CUL7: variants seen among roughly 807,000 people sequenced by gnomAD.
The protein encoded by CUL7 is cullin-7.
In CUL7, 96 loss-of-function variants were observed where a neutral mutation model predicts 177.7. The ratio of observed to expected loss-of-function variants is 0.54; its 90% CI spans 0.46 to 0.64. The LOEUF is 0.64. Among genes scored for constraint, CUL7 ranks in the 30% least tolerant of loss-of-function variants. The pLI is 0.00. For missense variants in CUL7, 1,893 were observed against 2,187.9 expected (o/e 0.87, Z 2.69); for synonymous variants, 824 against 890.2 (o/e 0.93, Z 1.32).
chr6:43,050,101 C>T lies in CUL7; in HGVS notation c.1431G>A (p.Leu477=), dbSNP rs1304346740. The change falls in exon 6 of 26, where the codon CTG becomes CTA. Residue 477 remains leucine (L), a synonymous_variant. Coordinates refer to ENST00000265348, the MANE Select transcript of CUL7 (RefSeq NM_014780.5). The surrounding 1 kb of genome is among the most constrained non-coding windows in gnomAD (Gnocchi z 4.1). The part of the protein sequence containing the change: ...MTELYAVPYV[L]PEDEDTEECE... Reference sequence around the variant, plus strand: ...ACTCCTCAGTGTCCTCATCCTCAGGCAGCACATAAGGCACAGCATAGAGTT... The same window carrying T: ...ACTCCTCAGTGTCCTCATCCTCAGGTAGCACATAAGGCACAGCATAGAGTT... 1.2e-6 allele frequency: 2 copies of T among 1,614,206 alleles called. No homozygotes were observed. Among genetic ancestry groups the T allele is most frequent in the African/African-American group, 1.3e-5 (1 of 75,042 alleles).
chr6:43,040,545 T>C lies in CUL7; in HGVS notation c.4008A>G (p.Thr1336=). 6.2e-7 allele frequency: 1 copy of C among 1,614,162 alleles called. No homozygotes were observed. The highest frequency in any genetic ancestry group is 8.5e-7 in the Non-Finnish European group (1 of 1,180,020). The stretch of plus-strand genomic sequence containing the variant: ...AGGCACTCACCTGTATTTTCTTCTC[T>C]GTATCCTCCAGCTTCAGGAGTTCCT... ...LDQELLKLED[T]EKKIQVGLGA... The change falls in exon 21 of 26, where the codon ACA becomes ACG. Residue 1336 remains threonine, a synonymous_variant. Transcript: ENST00000265348. This position sits in a 1 kb window ranked among gnomAD's most constrained non-coding sequence, Gnocchi z 4.2.
chr6:43,050,605 C>G lies in CUL7; in HGVS notation c.1234-207G>C, dbSNP rs1009865330. 1.5e-5 allele frequency among the ~76,000 whole-genome samples: 2 copies of G among 133,744 alleles called. No individual in the cohort carries two copies. Among genetic ancestry groups the G allele is most frequent in the Non-Finnish European group, 3.2e-5 (2 of 62,664 alleles). 87.7% of individuals were successfully genotyped at this position (133,744 alleles called of 152,430 possible). A position where few individuals can be genotyped will look rare whatever the true frequency, so the allele number is the denominator to read the frequency against. On this transcript the variant is annotated intron_variant, in intron 4 of 25. Coordinates refer to ENST00000265348, the MANE Select transcript of CUL7 (RefSeq NM_014780.5). The surrounding 1 kb of genome is among the most constrained non-coding windows in gnomAD (Gnocchi z 4.1). Reference sequence around the variant, plus strand: ...ACACACACACACACACACACACACACAGGATGCCTTCTCCTTTGGGGGATG... The same window carrying G: ...ACACACACACACACACACACACACAGAGGATGCCTTCTCCTTTGGGGGATG...
Position 43,050,192 on chromosome 6 carries a change from C to T in CUL7, c.1373-33G>A, listed in dbSNP as rs768602465. ...AATGGGCCAAGGGGCACAAGGATGT[C>T]ACTAGCAACTCAGCAGGACCACCAT... On this transcript the variant is annotated intron_variant, in intron 5 of 25. Transcript: ENST00000265348. This position sits in a 1 kb window ranked among gnomAD's most constrained non-coding sequence, Gnocchi z 4.1. 1.2e-6 allele frequency: 2 copies of T among 1,614,168 alleles called. No individual in the cohort carries two copies. Among genetic ancestry groups the T allele is most frequent in the Non-Finnish European group, 1.7e-6 (2 of 1,180,040 alleles).
intron 9 of CUL7, 86 bp from the exon 10 acceptor site, chr6:43,047,193 T>C: frequency 1.3e-6 from 1 of 799,840 alleles, no homozygotes; most frequent in Non-Finnish European, 2.3e-6. Context: ...CACTGTGTAC[T>C]CTGTGTACTG....
rs754702766 is a variant in CUL7 at position 43,047,818 on chromosome 6, T to C, written c.2169+330A>G. On this transcript the variant is annotated intron_variant, in intron 9 of 25. Coordinates refer to ENST00000265348, the MANE Select transcript of CUL7 (RefSeq NM_014780.5). The stretch of plus-strand genomic sequence containing the variant: ...GAGTGGCAAGATCACACATTTGGGT[T>C]TGCTTATATTTGCATAAGGGAACAC... 29 of 331,480 alleles carry C rather than the reference T, an allele frequency of 8.7e-5. No homozygotes were observed. In the Admixed American group the frequency reaches 1.0e-3, roughly 12 times the overall value. 20.5% of individuals were successfully genotyped at this position (331,480 alleles called of 1,614,324 possible).
chr6:43,039,449 A>G (rs560928456), intron 22 of CUL7, among the ~76,000 whole-genome samples: 184 of 152,314 alleles, frequency 1.2e-3, no homozygotes, highest in Admixed American at 5.1e-3. Context: ...GTGACTGACC[A>G]GAAAAGAGCC....
chr6:43,040,305 T>C lies in CUL7; in HGVS notation c.4145A>G (p.Tyr1382Cys), dbSNP rs768491741. ...EEEEENEDLY[Y>C]EGAMPEVSVL... ...AGACACTTCTGGCATTGCCCCTTCA[T>C]AGTAGAGGTCCTCATTCTCCTCCTC... The change falls in exon 22 of 26, where the codon TAT (tyrosine) becomes TGT (cysteine). Residue 1382 changes from tyrosine to cysteine, a missense_variant. Physicochemically the swap from Tyr to Cys is radical, Grantham distance 194. This residue lies in a region of CUL7 where 973 missense variants were observed against 1,140.9 expected (regional missense o/e 0.85). Coordinates refer to ENST00000265348, the MANE Select transcript of CUL7 (RefSeq NM_014780.5). The surrounding 1 kb of genome is among the most constrained non-coding windows in gnomAD (Gnocchi z 4.2). The C allele has an allele frequency of 6.2e-7, 1 of 1,614,060 alleles. No homozygotes were observed. The highest frequency in any genetic ancestry group is 8.5e-7 in the Non-Finnish European group (1 of 1,180,016).
Position 43,045,751 on chromosome 6 carries a change from C to T in CUL7, c.2767-69G>A. On this transcript the variant is annotated intron_variant, in intron 13 of 25. Transcript: ENST00000265348. This position sits in a 1 kb window ranked among gnomAD's most constrained non-coding sequence, Gnocchi z 4.8. ...CCAAGTTGGCTCTAGGCTCCAGTCC[C>T]CTCACTGTTTCCCTCCCTTCCCCAG... is the stretch of plus-strand genomic sequence containing the variant. The T allele has an allele frequency of 6.5e-7, 1 of 1,529,084 alleles. No homozygotes were observed. Among genetic ancestry groups the T allele is most frequent in the Admixed American group, 1.7e-5 (1 of 59,336 alleles). The allele number at this position is 1,529,084 out of a possible 1,614,324, so 94.7% of individuals were successfully genotyped here. A position where few individuals can be genotyped will look rare whatever the true frequency, so the allele number is the denominator to read the frequency against.
chr6:43,052,540 G>A lies in CUL7; in HGVS notation c.249C>T (p.Gly83=), dbSNP rs764168236. ...AGGGCCCGATGACCTGGCCATCCTCGCCCAGCATCTTGTGGCAGTTGGCAT... is the reference window on the plus strand; with the variant it reads ...AGGGCCCGATGACCTGGCCATCCTCACCCAGCATCTTGTGGCAGTTGGCAT... ...EIYANCHKML[G]EDGQVIGPSQ... Residue 83 remains glycine, a synonymous_variant, in exon 2 of 26, where the codon GGC becomes GGT. Transcript: ENST00000265348. This position sits in a 1 kb window ranked among gnomAD's most constrained non-coding sequence, Gnocchi z 4.5. 22 of 1,614,048 alleles carry A rather than the reference G, an allele frequency of 1.4e-5. No homozygotes were observed. The highest frequency in any genetic ancestry group is 1.3e-4 in the East Asian group (6 of 44,888).
Position 43,038,022 on chromosome 6 carries a change from G to T in CUL7, c.4774-11C>A, listed in dbSNP as rs376210636. 2.8e-5 allele frequency: 44 copies of T among 1,586,024 alleles called. No homozygotes were observed. In the African/African-American group the frequency reaches 5.8e-4, roughly 21 times the overall value. ...CCAAGCCTCCAGCACCTGGTGTGGG[G>T]GAGGAAGGGAGAAGCGGTAGTTTAG... On this transcript the variant is annotated splice_polypyrimidine_tract_variant and intron_variant, in intron 25 of 25. Transcript: ENST00000265348.
rs767070939 is a variant in CUL7, at chr6:43,052,559, T to C, written c.230A>G (p.Asn77Ser). Reference protein sequence around the residue: ...LWMSKDEIYANCHKMLGEDGQ... With the variant: ...LWMSKDEIYASCHKMLGEDGQ... ...ATCCTCGCCCAGCATCTTGTGGCAG[T>C]TGGCATAGATCTCATCCTTGGACAT... Residue 77 changes from asparagine to serine, a missense_variant, in exon 2 of 26, where the codon AAC becomes AGC. Coordinates refer to ENST00000265348, the MANE Select transcript of CUL7 (RefSeq NM_014780.5). This position sits in a 1 kb window ranked among gnomAD's most constrained non-coding sequence, Gnocchi z 4.5. 12 of 1,614,128 alleles carry C rather than the reference T, an allele frequency of 7.4e-6. No homozygotes were observed. In the South Asian group the frequency reaches 1.3e-4, roughly 18 times the overall value.
chr6:43,040,129 C>A lies in CUL7; in HGVS notation c.4294+27G>T. ...CCTAGCAGCCCACCCTCTCCCCAGT[C>A]CCCAGTCCCTCTGCCTGGCTGCTCA... On this transcript the variant is annotated intron_variant, in intron 22 of 25. Transcript: ENST00000265348. This position sits in a 1 kb window ranked among gnomAD's most constrained non-coding sequence, Gnocchi z 4.2. 1 of 1,613,934 alleles carries A rather than the reference C, an allele frequency of 6.2e-7. No individual in the cohort carries two copies. Among genetic ancestry groups the A allele is most frequent in the Non-Finnish European group, 8.5e-7 (1 of 1,179,882 alleles).
chr6:43,038,087 C>T (rs1763102889), intron 25 of CUL7, 76 bp from the exon 26 acceptor site: 1 of 1,526,208 alleles, frequency 6.6e-7, no homozygotes. Context: ...CCACTCCAAC[C>T]ACCAGCTGCT....
In CUL7 at chr6:43,050,900, T is replaced by C. The variant is rs910435407; in HGVS notation, c.1233+68A>G. On this transcript the variant is annotated intron_variant, in intron 4 of 25. Transcript: ENST00000265348. This position sits in a 1 kb window ranked among gnomAD's most constrained non-coding sequence, Gnocchi z 4.1. ...GGTGGCCTGCTGGAGCCCCCCCATATAGAAGTCCCAGCTCTGCCCTACCCC... is the reference window on the plus strand; with the variant it reads ...GGTGGCCTGCTGGAGCCCCCCCATACAGAAGTCCCAGCTCTGCCCTACCCC... 16 of 1,586,332 alleles carry C rather than the reference T, an allele frequency of 1.0e-5. No homozygotes were observed. The highest frequency in any genetic ancestry group is 5.4e-5 in the African/African-American group (4 of 74,468).
rs111393991 is a variant in CUL7, at chr6:43,051,052, C to T, written c.1149G>A (p.Val383=). 11 of 1,614,178 alleles carry T rather than the reference C, an allele frequency of 6.8e-6. No homozygotes were observed. The African/African-American group carries it at 9.3e-5, about 14-fold the overall frequency. Residue 383 remains valine (V), a synonymous_variant, in exon 4 of 26, where the codon GTG becomes GTA. Transcript: ENST00000265348. The surrounding 1 kb of genome is among the most constrained non-coding windows in gnomAD (Gnocchi z 5.0). ...VRDTLQPGMR[V]RMLDDYEEIS... ...TCTCCTCATAATCATCCAGCATCCG[C>T]ACTCGCATCCCCGGCTGCAGTGTGT...
rs751736506 is a variant in CUL7 at position 43,052,087 on chromosome 6, G to A, written c.580+122C>T. On this transcript the variant is annotated intron_variant, in intron 2 of 25. Coordinates refer to ENST00000265348, the MANE Select transcript of CUL7 (RefSeq NM_014780.5). This position sits in a 1 kb window ranked among gnomAD's most constrained non-coding sequence, Gnocchi z 4.5. The stretch of plus-strand genomic sequence containing the variant: ...ACCTCCTTTTCTTCCAACTCTAAGA[G>A]AAGGGCAACAGAATCATTTACGTAC... 2 of 1,524,462 alleles carry A rather than the reference G, an allele frequency of 1.3e-6. No individual in the cohort carries two copies. The highest frequency in any genetic ancestry group is 4.9e-5 in the East Asian group (2 of 40,766). The allele number at this position is 1,524,462 out of a possible 1,614,324, so 94.4% of individuals were successfully genotyped here.
chr6:43,048,429 G>A lies in CUL7; in HGVS notation c.1966C>T (p.Leu656=). ...GTQENKVKPL[L]LQLQRQPQPF... ...TGCGGCTGCCGCTGCAGCTGCAGCAGGAGTGGCTTGACCTTGTTCTCCTGG... is the reference window on the plus strand; with the variant it reads ...TGCGGCTGCCGCTGCAGCTGCAGCAAGAGTGGCTTGACCTTGTTCTCCTGG... Residue 656 remains leucine, a synonymous_variant, in exon 8 of 26, where the codon CTG becomes TTG. Transcript: ENST00000265348. 3 of 1,614,112 alleles carry A rather than the reference G, an allele frequency of 1.9e-6. No individual in the cohort carries two copies. Among genetic ancestry groups the A allele is most frequent in the Non-Finnish European group, 2.5e-6 (3 of 1,179,958 alleles).
chr6:43,051,197 A>C lies in CUL7; in HGVS notation c.1004T>G (p.Leu335Arg). ...RSPGSIFQPQ[L>R]ADVSPGLPAA... ...GGGGAGCCCTGGGCTCACATCTGCC[A>C]GCTGAGGCTGGAAGATGGAACCGGG... The change falls in exon 4 of 26, where the codon CTG becomes CGG. Residue 335 changes from leucine to arginine, a missense_variant. This residue lies in a region of CUL7 where 653 missense variants were observed against 725.2 expected (regional missense o/e 0.90). Coordinates refer to ENST00000265348, the MANE Select transcript of CUL7 (RefSeq NM_014780.5). This position sits in a 1 kb window ranked among gnomAD's most constrained non-coding sequence, Gnocchi z 5.0. The C allele has an allele frequency of 6.2e-7, 1 of 1,614,218 alleles. No homozygotes were observed. The highest frequency in any genetic ancestry group is 8.5e-7 in the Non-Finnish European group (1 of 1,180,034).
rs1040162438 is a variant in CUL7, at chr6:43,052,250, C to T, written c.539G>A (p.Ser180Asn). Residue 180 changes from serine (S) to asparagine (N), a missense_variant, in exon 2 of 26, where the codon AGT becomes AAT. By Grantham distance (46) the Ser-to-Asn change is conservative. Around this residue, in one of 5 missense-constraint regions of CUL7, gnomAD observed 653 missense variants for 725.2 expected, o/e 0.90. Transcript: ENST00000265348. The surrounding 1 kb of genome is among the most constrained non-coding windows in gnomAD (Gnocchi z 4.5). ...LSSPDYQIRWSAGRMIQALSS... is the reference protein window; with the variant it reads ...LSSPDYQIRWNAGRMIQALSS... ...CAGGGCTTGTATCATCCGGCCTGCA[C>T]TCCAGCGAATCTGATAATCAGGACT... The T allele has an allele frequency of 6.2e-7, 1 of 1,614,268 alleles. No individual in the cohort carries two copies. Among genetic ancestry groups the T allele is most frequent in the Admixed American group, 1.7e-5 (1 of 60,018 alleles).
Sources: allele counts gnomAD v4.1 joint callset (sites outside exome capture counted in the v4.1 genomes callset), GRCh38; gene constraint gnomAD v4.1.1; regional missense constraint gnomAD v4.1.1; non-coding constraint Gnocchi (gnomAD v3.1); transcripts MANE v1.5; gene names NCBI Gene and HGNC (gene_info 2026-07-23, HGNC 2026-07-21).